Variants in CSMD1 observed in about 807,000 individuals in gnomAD.
CSMD1 encodes the protein CUB and Sushi multiple domains 1, also known as CUB and sushi domain-containing protein 1.
Under a neutral mutation model 417.5 loss-of-function variants are expected in CSMD1, and 213 were observed. That is an observed-to-expected ratio of 0.51 (90% confidence interval 0.46 to 0.57). The LOEUF (loss-of-function observed/expected upper bound fraction) is 0.57. CSMD1 is among the 20% of genes least tolerant of loss of function. The pLI is 0.00. For missense variants in CSMD1, 6,923 were observed against 4,529.7 expected (o/e 1.53, Z -15.17); for synonymous variants, 2,862 against 1,736.8 (o/e 1.65, Z -16.11).
intron 5 of CSMD1, among the ~76,000 whole-genome samples, chr8:3,899,229 G>T (rs1269857653): frequency 1.3e-5 from 2 of 152,182 alleles, no homozygotes; most frequent in African/African-American, 2.4e-5. Context: ...AAGAGCACAG[G>T]AAAGTTGGCA....
chr8:4,169,628 C>A (rs1797652223), intron 3 of CSMD1, among the ~76,000 whole-genome samples: 1 of 152,100 alleles, frequency 6.6e-6, no homozygotes, highest in African/African-American at 2.4e-5. Flanking sequence ...GTGCATCAGT[C>A]CCTTGCTGCT....
At chr8:4,067,972 G>T (rs1799340092) in intron 3 of CSMD1, among the ~76,000 whole-genome samples, 2 of 152,086 alleles carry the variant, frequency 1.3e-5, no homozygotes, top group African/African-American at 4.8e-5. Context: ...AGCTACTTGG[G>T]AGGCTGAGAA....
chr8:4,325,360 A>T (rs138595407), intron 3 of CSMD1, among the ~76,000 whole-genome samples: 1 of 152,148 alleles, frequency 6.6e-6, no homozygotes, highest in East Asian at 1.9e-4. Flanking sequence ...AGGAAGTCTT[A>T]GATAATCCCA....
At chr8:3,924,652 CTTCT>C (rs1809513666) in intron 5 of CSMD1, among the ~76,000 whole-genome samples, 1 of 152,166 alleles carries the variant, frequency 6.6e-6, no homozygotes, top group Non-Finnish European at 1.5e-5. Context: ...TGTTTAAACA[CTTCT>C]TTAATTTTTT....
At chr8:3,403,662 G>A (rs1047087394) in intron 15 of CSMD1, among the ~76,000 whole-genome samples, 8 of 152,176 alleles carry the variant, frequency 5.3e-5, no homozygotes, top group Non-Finnish European at 1.0e-4. Context: ...GGACAGAACA[G>A]AGATGAGAGT....
At chr8:4,378,754 T>C (rs1309656424) in intron 3 of CSMD1, among the ~76,000 whole-genome samples, 2 of 152,224 alleles carry the variant, frequency 1.3e-5, no homozygotes, top group African/African-American at 2.4e-5. Flanking sequence ...TATGAGGTTA[T>C]GAGAGCTCTG....
At position 4,150,340 on chromosome 8, in the gene CSMD1, T is replaced by C. The variant is rs948882772; in HGVS notation, c.416-118241A>G. ...GGACATCTCTAAATTCTCTAACCCG[T>C]GCCATTCTAACTCAGTGTCTGCAGC... On this transcript the variant is annotated intron_variant, in intron 3 of 69. Coordinates refer to ENST00000635120, the MANE Select transcript of CSMD1 (RefSeq NM_033225.6). 2.6e-4 allele frequency among the ~76,000 whole-genome samples: 40 copies of C among 152,270 alleles called. 1 individual carries two copies. Among genetic ancestry groups the C allele is most frequent in the Admixed American group, 2.0e-3 (30 of 15,306 alleles).
chr8:3,674,828 A>T (rs1799289398), intron 7 of CSMD1, among the ~76,000 whole-genome samples: 1 of 152,200 alleles, frequency 6.6e-6, no homozygotes, highest in East Asian at 1.9e-4. Context: ...CACTGAAGTT[A>T]TCAGGGCACT....
At chr8:3,711,343 C>T (rs1011389692) in intron 6 of CSMD1, among the ~76,000 whole-genome samples, 3 of 152,158 alleles carry the variant, frequency 2.0e-5, no homozygotes, top group South Asian at 2.1e-4. Context: ...CCACCCAGAT[C>T]CCCCTCCAAG....
intron 5 of CSMD1, among the ~76,000 whole-genome samples, chr8:3,850,166 T>C (rs1803800248): frequency 6.6e-6 from 1 of 152,246 alleles, no homozygotes; most frequent in African/African-American, 2.4e-5. Flanking sequence ...GAATTTCAAG[T>C]GTCTGCTGTA....
intron 7 of CSMD1, among the ~76,000 whole-genome samples, chr8:3,683,081 G>C (rs1799750330): frequency 6.6e-6 from 1 of 152,006 alleles, no homozygotes; most frequent in Admixed American, 6.6e-5. Context: ...AGCATTAGGA[G>C]ATATACCTAA....
chr8:3,340,026 G>A (rs1807543471), intron 23 of CSMD1, among the ~76,000 whole-genome samples: 1 of 152,104 alleles, frequency 6.6e-6, no homozygotes, highest in African/African-American at 2.4e-5. Context: ...TTCCGATTTG[G>A]CCCAAAGATA....
intron 5 of CSMD1, among the ~76,000 whole-genome samples, chr8:3,970,913 C>T (rs1184165060): frequency 1.3e-5 from 2 of 151,996 alleles, no homozygotes; most frequent in Non-Finnish European, 2.9e-5. Flanking sequence ...CACCATGCTC[C>T]GCTAATTTTG....
chr8:3,551,596 ATTT>A (rs1194152215), intron 10 of CSMD1, among the ~76,000 whole-genome samples: 2,125 of 113,324 alleles, frequency 0.019, 58 homozygotes, highest in African/African-American at 0.067. Context: ...ATATATATAT[ATTT>A]TTTTTTTTTT....
chr8:3,577,147 C>CT (rs1800183318), intron 9 of CSMD1, among the ~76,000 whole-genome samples: 1 of 152,228 alleles, frequency 6.6e-6, no homozygotes, highest in Non-Finnish European at 1.5e-5. Flanking sequence ...TGGCCCCGCC[C>CT]ATGGCTTTGT....
At chr8:4,740,459 G>C (rs1225626621) in intron 1 of CSMD1, among the ~76,000 whole-genome samples, 1 of 152,184 alleles carries the variant, frequency 6.6e-6, no homozygotes, top group Admixed American at 6.5e-5. Context: ...CTAGGGTAGA[G>C]ACAGGCTGGG....
chr8:4,253,651 G>A (rs1803237845), intron 3 of CSMD1, among the ~76,000 whole-genome samples: 1 of 151,838 alleles, frequency 6.6e-6, no homozygotes, highest in African/African-American at 2.4e-5. Context: ...CTACTTAATA[G>A]ACACACAATC....
chr8:4,682,126 C>A (rs916313781), intron 1 of CSMD1, among the ~76,000 whole-genome samples: 2 of 152,114 alleles, frequency 1.3e-5, no homozygotes, highest in African/African-American at 2.4e-5. Flanking sequence ...TCAAGCAATT[C>A]TCATGCCTCA....
intron 1 of CSMD1, among the ~76,000 whole-genome samples, chr8:4,753,925 T>A (rs2047254945): frequency 6.6e-6 from 1 of 152,224 alleles, no homozygotes; most frequent in South Asian, 2.1e-4. Flanking sequence ...TACCAGCACA[T>A]GCGAGATGCT....
Sources: gnomAD v4.1 joint callset for allele counts (sites outside exome capture counted in the v4.1 genomes callset) on GRCh38, gnomAD v4.1.1 for gene constraint, MANE v1.5 for transcripts, NCBI Gene and HGNC (gene_info 2026-07-23, HGNC 2026-07-21) for gene names.